Variants in ACOT11 observed in about 807,000 individuals in gnomAD.
The protein encoded by ACOT11 is acyl-coenzyme A thioesterase 11.
In ACOT11, 69 loss-of-function variants were observed where a neutral mutation model predicts 77.5. That is an observed-to-expected ratio of 0.89 (90% confidence interval 0.73 to 1.09). The LOEUF is 1.09. Among genes scored for constraint, ACOT11 ranks in the 50% least tolerant of loss-of-function variants. The pLI is 0.00. For synonymous variants in ACOT11, 279 were observed against 313.0 expected, an observed-to-expected ratio of 0.89 and a Z score of 1.15; for missense variants, 766 against 813.7, an observed-to-expected ratio of 0.94 and a Z score of 0.71.
chr1:54,632,435 G>A (rs1644304882), intron 16 of ACOT11, among the ~76,000 whole-genome samples: 1 of 152,226 alleles, frequency 6.6e-6, no homozygotes. Context: ...TTTTAGGAAG[G>A]TCTAGTGTAA....
chr1:54,574,348 A>G (rs1181345910), intron 1 of ACOT11, among the ~76,000 whole-genome samples: 1 of 152,064 alleles, frequency 6.6e-6, no homozygotes, highest in Non-Finnish European at 1.5e-5. Flanking sequence ...CCCTCGGTGT[A>G]GCAGATCTCC....
chr1:54,564,065 C>CAA (rs1229856632), intron 1 of ACOT11, among the ~76,000 whole-genome samples: 103 of 120,376 alleles, frequency 8.6e-4, no homozygotes, highest in Admixed American at 1.5e-3. Context: ...AACTCCATCT[C>CAA]AAAAAAAAAA....
chr1:54,584,056 C>T lies in ACOT11; in HGVS notation c.34-599C>T, dbSNP rs1040129498. Among the ~76,000 whole-genome samples the T allele has an allele frequency of 7.2e-5, 11 of 152,260 alleles. 1 individual carries two copies. The highest frequency in any genetic ancestry group is 2.6e-4 in the African/African-American group (11 of 41,542). On this transcript the variant is annotated intron_variant, in intron 1 of 15. Transcript: ENST00000343744. The surrounding 1 kb of genome is among the most constrained non-coding windows in gnomAD (Gnocchi z 6.3). ...GTTTTCCAGCTGGCAGCTGTTGTAC[C>T]CAGCCCTGGATCAGACAGCTGGTCT...
At chr1:54,624,052 G>A (rs1046106339) in intron 15 of ACOT11, among the ~76,000 whole-genome samples, 44 of 152,156 alleles carry the variant, frequency 2.9e-4, no homozygotes, top group African/African-American at 4.8e-4. Flanking sequence ...ACTGCAGGCC[G>A]GTTCTGGGGC....
chr1:54,614,088 A>G (rs1455501908), downstream of ACOT11, among the ~76,000 whole-genome samples: 1 of 152,218 alleles, frequency 6.6e-6, no homozygotes, highest in African/African-American at 2.4e-5. Context: ...AGCTTCCACT[A>G]TTGTCAGCTT....
At chr1:54,602,797 G>A (rs369821361) in intron 10 of ACOT11, 73 bp downstream of exon 10, 18 of 1,408,500 alleles carry the variant, frequency 1.3e-5, no homozygotes, top group South Asian at 3.1e-5. Flanking sequence ...CAGGGCACTC[G>A]CTTTTCTTCA....
At position 54,609,007 on chromosome 1, in the gene ACOT11, C is replaced by T; in HGVS notation, c.1680C>T (p.Thr560=). 1.9e-6 allele frequency: 3 copies of T among 1,610,694 alleles called. No individual in the cohort carries two copies. The highest frequency in any genetic ancestry group is 2.5e-6 in the Non-Finnish European group (3 of 1,178,650). Residue 560 remains threonine (T), a synonymous_variant, in exon 16 of 16, where the codon ACC becomes ACT. Transcript: ENST00000343744. ...CAGGTGTTCTCAACTATGTGACCAC[C>T]AACGTGGCCGGCCTCTCCTCTGAGT... ...ATPGVLNYVT[T]NVAGLSSEFY...
At chr1:54,594,522 C>T in intron 5 of ACOT11, 34 bp from the exon 6 acceptor site, 1 of 1,594,694 alleles carries the variant, frequency 6.3e-7, no homozygotes, top group Non-Finnish European at 8.5e-7. Flanking sequence ...GAGACTTGCC[C>T]TGAGTGTCCC....
rs1054960754 is a variant in ACOT11, at chr1:54,609,705, CAGGCCAATGCAAG to C, written c.*601_*613del. Reference sequence around the variant, plus strand: ...TGGGAGATTTTGGCCCCAACCCACACAGGCCAATGCAAGAGGCCAAGGCTGGAGAGGCGTGCCA... The same window carrying C: ...TGGGAGATTTTGGCCCCAACCCACACAGGCCAAGGCTGGAGAGGCGTGCCA... On this transcript the variant is annotated 3_prime_UTR_variant, in exon 16 of 16. Transcript: ENST00000343744. 6 of 1,614,126 alleles carry C rather than the reference CAGGCCAATGCAAG, an allele frequency of 3.7e-6. No individual in the cohort carries two copies. Among genetic ancestry groups the C allele is most frequent in the Non-Finnish European group, 5.1e-6 (6 of 1,180,034 alleles).
chr1:54,612,320 G>A (rs1431769002), downstream of ACOT11, among the ~76,000 whole-genome samples: 1 of 151,796 alleles, frequency 6.6e-6, no homozygotes, highest in Non-Finnish European at 1.5e-5. Flanking sequence ...TGAGTAGCCC[G>A]TCACCAGAGG....
At position 54,610,252 on chromosome 1, in the gene ACOT11, ACTCCCT is replaced by A; in HGVS notation, c.*1148_*1153del. The A allele has an allele frequency of 6.9e-7, 1 of 1,458,008 alleles. No individual in the cohort carries two copies. Among genetic ancestry groups the A allele is most frequent in the South Asian group, 1.4e-5 (1 of 70,038 alleles). 90.3% of individuals were successfully genotyped at this position (1,458,008 alleles called of 1,614,324 possible). On this transcript the variant is annotated 3_prime_UTR_variant, in exon 16 of 16. Coordinates refer to ENST00000343744, the MANE Select transcript of ACOT11 (RefSeq NM_147161.4). The stretch of plus-strand genomic sequence containing the variant: ...AGCCCTGTGCTCTTGACATCACTGT[ACTCCCT>A]CTCCCTCCCCGCAACCCTGCCCCAC...
chr1:54,580,574 C>G (rs1236523235), intron 1 of ACOT11, among the ~76,000 whole-genome samples: 4 of 152,176 alleles, frequency 2.6e-5, no homozygotes, highest in Non-Finnish European at 5.9e-5. Context: ...TTTGCTGTTC[C>G]TTATGGCCTC....
chr1:54,568,460 G>T (rs1041563393), intron 1 of ACOT11, among the ~76,000 whole-genome samples: 1 of 149,220 alleles, frequency 6.7e-6, no homozygotes, highest in Non-Finnish European at 1.5e-5. Context: ...CACCTCCTGG[G>T]TTCAAGCAAT....
intron 1 of ACOT11, among the ~76,000 whole-genome samples, chr1:54,582,765 C>T (rs1034192722): frequency 6.6e-6 from 1 of 152,076 alleles, no homozygotes; most frequent in African/African-American, 2.4e-5. Context: ...TGCTGTGTGT[C>T]GGCGTCCCTG....
intron 4 of ACOT11, 86 bp from the exon 5 acceptor site, chr1:54,593,855 A>G (rs947555219): frequency 3.5e-6 from 4 of 1,154,428 alleles, no homozygotes; most frequent in Non-Finnish European, 5.1e-6. Flanking sequence ...CTGGGCTGGG[A>G]CTTGCTGTCT....
intron 16 of ACOT11, among the ~76,000 whole-genome samples, chr1:54,631,705 C>A (rs986557773): frequency 3.9e-5 from 6 of 152,172 alleles, no homozygotes; most frequent in Non-Finnish European, 5.9e-5. Flanking sequence ...AGGTGGGGAA[C>A]AATACCCTTC....
intron 12 of ACOT11, among the ~76,000 whole-genome samples, chr1:54,604,702 G>A (rs930049387): frequency 6.6e-6 from 1 of 152,084 alleles, no homozygotes; most frequent in African/African-American, 2.4e-5. Context: ...CTCCCTCTCT[G>A]TTCTTCTGCA....
Position 54,592,528 on chromosome 1 carries a change from C to T in ACOT11, c.312-18C>T, listed in dbSNP as rs1217996275. On this transcript the variant is annotated intron_variant, in intron 3 of 15. Transcript: ENST00000343744. The stretch of plus-strand genomic sequence containing the variant: ...CTGGCCCCTCTGGAAGGCTCACCTC[C>T]TACTTTCCTCTCCCCAGTGTTGGAC... 2 of 1,609,302 alleles carry T rather than the reference C, an allele frequency of 1.2e-6. No homozygotes were observed. The highest frequency in any genetic ancestry group is 2.7e-5 in the African/African-American group (2 of 74,928).
chr1:54,578,570 G>T (rs1013664969), intron 1 of ACOT11, among the ~76,000 whole-genome samples: 5 of 152,180 alleles, frequency 3.3e-5, no homozygotes, highest in Admixed American at 3.3e-4. Flanking sequence ...TCTTAGTGAA[G>T]ATTTTCAGAT....
Sources: gnomAD v4.1 joint callset for allele counts (sites outside exome capture counted in the v4.1 genomes callset) on GRCh38, gnomAD v4.1.1 for gene constraint, Gnocchi (gnomAD v3.1) non-coding constraint, MANE v1.5 for transcripts, NCBI Gene and HGNC (gene_info 2026-07-23, HGNC 2026-07-21) for gene names.